Variants in NF1 observed in about 807,000 individuals in gnomAD.
The protein encoded by NF1 is neurofibromin 1.
Under a neutral mutation model 325.7 loss-of-function variants are expected in NF1, and 122 were observed. The ratio of observed to expected loss-of-function variants is 0.37; its 90% CI spans 0.32 to 0.44. NF1 has a LOEUF of 0.44. NF1 is among the 20% of genes least tolerant of loss of function. The pLI, the probability that NF1 is intolerant of heterozygous loss-of-function variation, is 1.00. For synonymous variants in NF1, 1,091 were observed against 1,186.0 expected (o/e 0.92, Z 1.65); for missense variants, 2,140 against 3,415.4 (o/e 0.63, Z 9.31).
intron 1 of NF1, among the ~76,000 whole-genome samples, chr17:31,124,756 T>C (rs937817765): frequency 6.6e-6 from 1 of 151,628 alleles, no homozygotes; most frequent in Non-Finnish European, 1.5e-5. Flanking sequence ...CCTGCCACCA[T>C]GCGGGCTAAT....
chr17:31,304,791 T>C lies in NF1; in HGVS notation c.4836-21029T>C, dbSNP rs1486483603. Reference sequence around the variant, plus strand: ...GTGTGCTTTTGCTTGGTTTCCAGGGTGTAAGTGAAATGATTGATGTACGTT... The same window carrying C: ...GTGTGCTTTTGCTTGGTTTCCAGGGCGTAAGTGAAATGATTGATGTACGTT... On this transcript the variant is annotated intron_variant, in intron 36 of 57. Coordinates refer to ENST00000358273, the MANE Select transcript of NF1 (RefSeq NM_001042492.3). 1.9e-6 allele frequency: 3 copies of C among 1,613,950 alleles called. No individual in the cohort carries two copies. In the African/African-American group the frequency reaches 4.0e-5, roughly 22 times the overall value.
intron 42 of NF1, 46 bp from the exon 43 acceptor site, chr17:31,337,322 A>G (rs2151555794): frequency 1.6e-5 from 23 of 1,445,678 alleles, no homozygotes; most frequent in Non-Finnish European, 2.1e-5. Context: ...TTAGAAATTA[A>G]AAAGTAATAT....
intron 2 of NF1, 91 bp downstream of exon 2, chr17:31,156,217 G>A (rs1441886379): frequency 2.1e-6 from 3 of 1,417,148 alleles, no homozygotes; most frequent in Non-Finnish European, 3.0e-6. Context: ...AGTATGGAAA[G>A]TGATTTTCTG....
intron 36 of NF1, among the ~76,000 whole-genome samples, chr17:31,321,266 A>G (rs912957964): frequency 6.6e-6 from 1 of 152,218 alleles, no homozygotes; most frequent in Admixed American, 6.5e-5. Flanking sequence ...GAGGAAACCA[A>G]ACTTAGATCC....
At chr17:31,136,503 G>C (rs1024891812) in intron 1 of NF1, 1 of 152,190 alleles carries the variant, frequency 6.6e-6, no homozygotes, top group African/African-American at 2.4e-5. Flanking sequence ...ATTGCATGCT[G>C]TTTTGAGTAG....
At chr17:31,261,606 A>C in intron 34 of NF1, 105 bp from the exon 35 acceptor site, 1 of 1,235,104 alleles carries the variant, frequency 8.1e-7, no homozygotes, top group Non-Finnish European at 1.2e-6. Flanking sequence ...GCTGTTTACA[A>C]ATCAGCTGAC....
chr17:31,319,315 G>A (rs114185371), intron 36 of NF1, among the ~76,000 whole-genome samples: 160 of 151,682 alleles, frequency 1.1e-3, no homozygotes, highest in African/African-American at 3.7e-3. Flanking sequence ...CCTTTGAAGC[G>A]TGCTAGACTT....
At chr17:31,271,487 C>A (rs1461769604) in intron 36 of NF1, among the ~76,000 whole-genome samples, 4 of 152,284 alleles carry the variant, frequency 2.6e-5, no homozygotes, top group Non-Finnish European at 5.9e-5. Context: ...CATGGTGGCT[C>A]ACACCTGTAA....
At position 31,107,900 on chromosome 17, in the gene NF1, G is replaced by A. The variant is rs200644988; in HGVS notation, c.60+12531G>A. 2.7e-4 allele frequency among the ~76,000 whole-genome samples: 41 copies of A among 152,222 alleles called. No individual in the cohort carries two copies. The East Asian group carries it at 6.6e-3, about 24-fold the overall frequency. ...CACCTGTAATCCCAGCACTTTGGGA[G>A]GTGGGGGAGGGAGGATTGCTTGAGC... is the stretch of plus-strand genomic sequence containing the variant. On this transcript the variant is annotated intron_variant, in intron 1 of 57. Coordinates refer to ENST00000358273, the MANE Select transcript of NF1 (RefSeq NM_001042492.3).
At chr17:31,148,448 C>T (rs1301187742) in intron 1 of NF1, among the ~76,000 whole-genome samples, 1 of 150,554 alleles carries the variant, frequency 6.6e-6, no homozygotes, top group Non-Finnish European at 1.5e-5. Context: ...TAAAGGAGTC[C>T]AGATTCCTTT....
At chr17:31,294,160 TA>T (rs2068410646) in intron 36 of NF1, among the ~76,000 whole-genome samples, 1 of 152,224 alleles carries the variant, frequency 6.6e-6, no homozygotes, top group South Asian at 2.1e-4. Context: ...TTGTAAAAGA[TA>T]AATTTTCTTC....
chr17:31,305,429 G>T, intron 36 of NF1: 1 of 1,614,178 alleles, frequency 6.2e-7, no homozygotes, highest in Non-Finnish European at 8.5e-7. Flanking sequence ...TCGCTGAATT[G>T]TGTTGGTTGA....
At chr17:31,309,322 A>G (rs2068808851) in intron 36 of NF1, among the ~76,000 whole-genome samples, 1 of 152,202 alleles carries the variant, frequency 6.6e-6, no homozygotes, top group South Asian at 2.1e-4. Flanking sequence ...GCTTTTTACT[A>G]GTACTTCTAC....
At position 31,233,159 on chromosome 17, in the gene NF1, A is replaced by G. The variant is rs2067144116; in HGVS notation, c.3654A>G (p.Gln1218=). 1 of 1,614,080 alleles carries G rather than the reference A, an allele frequency of 6.2e-7. No homozygotes were observed. The highest frequency in any genetic ancestry group is 1.1e-5 in the South Asian group (1 of 91,086). ...AACTGGTCACAATGATGGGTGATCA[A>G]GGAGAACTCCCTATAGCGATGGCTC... The part of the protein sequence containing the change: ...LVELVTMMGD[Q]GELPIAMALA... The change falls in exon 27 of 58, where the codon CAA becomes CAG. Residue 1218 remains glutamine (Q), a synonymous_variant. Transcript: ENST00000358273.
intron 40 of NF1, 57 bp downstream of exon 40, chr17:31,335,088 G>A (rs2069611184): frequency 2.1e-6 from 3 of 1,458,584 alleles, no homozygotes; most frequent in Non-Finnish European, 1.9e-6. Flanking sequence ...TATTTATCTG[G>A]TGCCACATTG....
rs190233672 is a variant in NF1 at position 31,202,364 on chromosome 17, C to T, written c.1260+879C>T. On this transcript the variant is annotated intron_variant, in intron 11 of 57. Coordinates refer to ENST00000358273, the MANE Select transcript of NF1 (RefSeq NM_001042492.3). ...AATCAAATTCCATTTTAAGACTGTG[C>T]CTCTGGTGAGTTGAAAATAACCCTT... Among the ~76,000 whole-genome samples, 26 of 152,226 alleles carry T rather than the reference C, an allele frequency of 1.7e-4. 1 individual carries two copies. The highest frequency in any genetic ancestry group is 6.0e-4 in the African/African-American group (25 of 41,530).
Position 31,206,375 on chromosome 17 carries a change from A to G in NF1, c.1392+4A>G, listed in dbSNP as rs1555611611. The G allele has an allele frequency of 1.2e-6, 2 of 1,613,612 alleles. No homozygotes were observed. The highest frequency in any genetic ancestry group is 4.5e-5 in the East Asian group (2 of 44,872). ...CCCAGCAATACGAATGGCACCGGTA[A>G]GATAAATCACGAATTTTGAATCTCA... On this transcript the variant is annotated splice_donor_region_variant and intron_variant, in intron 12 of 57. Coordinates refer to ENST00000358273, the MANE Select transcript of NF1 (RefSeq NM_001042492.3).
intron 11 of NF1, among the ~76,000 whole-genome samples, chr17:31,204,581 T>C (rs1387910960): frequency 6.6e-6 from 1 of 152,024 alleles, no homozygotes; most frequent in East Asian, 1.9e-4. Flanking sequence ...TTAAAATGAA[T>C]ATATTATGAA....
chr17:31,295,351 A>T, intron 36 of NF1: 1 of 1,614,132 alleles, frequency 6.2e-7, no homozygotes, highest in Non-Finnish European at 8.5e-7. Context: ...AAGCCTTATC[A>T]GTGCTAGTAA....
Sources: allele counts gnomAD v4.1 joint callset (sites outside exome capture counted in the v4.1 genomes callset), GRCh38; gene constraint gnomAD v4.1.1; transcripts MANE v1.5; gene names NCBI Gene and HGNC (gene_info 2026-07-23, HGNC 2026-07-21).